Variants in GIGYF2 observed in about 807,000 individuals in gnomAD.
The protein encoded by GIGYF2 is GRB10-interacting GYF protein 2.
A neutral mutation model predicts 208.1 loss-of-function variants in GIGYF2; 25 were observed. The observed-to-expected ratio is 0.12, with a 90% CI of 0.09 to 0.17. The LOEUF (loss-of-function observed/expected upper bound fraction) is 0.17. Ranked by LOEUF, GIGYF2 falls within the 10% of genes least tolerant of loss-of-function variation. The probability of loss-of-function intolerance (pLI) is 1.00; values close to 1 mark genes in which losing one functional copy is unlikely to be tolerated. For synonymous variants in GIGYF2, 534 were observed against 543.8 expected (o/e 0.98, Z 0.25); for missense variants, 1,302 against 1,579.4 (o/e 0.82, Z 2.98).
At chr2:232,807,400 C>T (rs938230437) in intron 15 of GIGYF2, among the ~76,000 whole-genome samples, 42 of 152,110 alleles carry the variant, frequency 2.8e-4, no homozygotes, top group Middle Eastern at 3.4e-3. Context: ...AAAAACTAGC[C>T]GGGTATGGTG....
At position 232,806,905 on chromosome 2, in the gene GIGYF2, G is replaced by A. The variant is rs1428544152; in HGVS notation, c.1806+248G>A. Reference sequence around the variant, plus strand: ...CCCAACAGGGAAACGGAATCCTTCAGTAGCATTCCAGCAGATGTAGAATGA... The same window carrying A: ...CCCAACAGGGAAACGGAATCCTTCAATAGCATTCCAGCAGATGTAGAATGA... On this transcript the variant is annotated intron_variant, in intron 15 of 28. Coordinates refer to ENST00000373563, the MANE Select transcript of GIGYF2 (RefSeq NM_001103146.3). The surrounding 1 kb of genome is among the most constrained non-coding windows in gnomAD (Gnocchi z 4.0). 1.3e-5 allele frequency among the ~76,000 whole-genome samples: 2 copies of A among 152,176 alleles called. No homozygotes were observed. Among genetic ancestry groups the A allele is most frequent in the African/African-American group, 4.8e-5 (2 of 41,440 alleles).
chr2:232,799,552 A>AAATAATAATAATAAT (rs55730253), intron 14 of GIGYF2, among the ~76,000 whole-genome samples: 9 of 146,866 alleles, frequency 6.1e-5, no homozygotes, highest in African/African-American at 2.3e-4. Flanking sequence ...CCTGTCTTTA[A>AAATAATAATAATAAT]AATAATAATA....
chr2:232,711,085 A>G (rs562457553), intron 2 of GIGYF2, among the ~76,000 whole-genome samples: 2 of 147,160 alleles, frequency 1.4e-5, no homozygotes, highest in African/African-American at 5.0e-5. Context: ...AAGTTTATTT[A>G]TGTGTTTTTT....
intron 2 of GIGYF2, among the ~76,000 whole-genome samples, chr2:232,732,613 GTTTTC>G (rs1286263266): frequency 6.7e-6 from 1 of 150,276 alleles, no homozygotes; most frequent in Non-Finnish European, 1.5e-5. Context: ...TAAAAATAGT[GTTTTC>G]TTTTTTATTT....
chr2:232,812,817 A>G (rs1157972412), intron 18 of GIGYF2, among the ~76,000 whole-genome samples: 1 of 152,098 alleles, frequency 6.6e-6, no homozygotes, highest in Admixed American at 6.6e-5. Flanking sequence ...AAAACATAGT[A>G]ATGGTGACCT....
At chr2:232,820,316 C>CCTTT (rs1559456104) in intron 21 of GIGYF2, among the ~76,000 whole-genome samples, 1 of 138,716 alleles carries the variant, frequency 7.2e-6, no homozygotes, top group African/African-American at 2.7e-5. Flanking sequence ...GCAATAATTT[C>CCTTT]TTTTTTTTTT....
At chr2:232,781,159 A>G (rs1009851802) in intron 8 of GIGYF2, among the ~76,000 whole-genome samples, 11 of 151,946 alleles carry the variant, frequency 7.2e-5, no homozygotes, top group African/African-American at 2.4e-4. Flanking sequence ...GGGTTTTGTC[A>G]TGTTGGCCAG....
At position 232,847,493 on chromosome 2, in the gene GIGYF2, GCAGCGTCAGCAGCAGCAGCTGCCA is replaced by G. The variant is rs759174707; in HGVS notation, c.3611_3634del (p.Arg1204_Gln1211del). On this transcript the variant is annotated inframe_deletion, in exon 27 of 29. Coordinates refer to ENST00000373563, the MANE Select transcript of GIGYF2 (RefSeq NM_001103146.3). ...GCCGTGCCAAACAGAAAGCCAACCA[GCAGCGTCAGCAGCAGCAGCTGCCA>G]CAGCAGCAGCAGCAGCAGCCGCCAC... is the stretch of plus-strand genomic sequence containing the variant. 12 of 1,596,370 alleles carry G rather than the reference GCAGCGTCAGCAGCAGCAGCTGCCA, an allele frequency of 7.5e-6. No individual in the cohort carries two copies. The highest frequency in any genetic ancestry group is 9.4e-6 in the Non-Finnish European group (11 of 1,173,712).
intron 12 of GIGYF2, 92 bp from the exon 13 acceptor site, chr2:232,794,656 C>G (rs1424839718): frequency 8.2e-6 from 8 of 970,598 alleles, no homozygotes; most frequent in Non-Finnish European, 1.2e-5. Context: ...TCTGTTTGGC[C>G]CATTTAGCAG....
chr2:232,755,662 A>G (rs778932989), intron 5 of GIGYF2, among the ~76,000 whole-genome samples: 2 of 152,096 alleles, frequency 1.3e-5, no homozygotes, highest in African/African-American at 4.8e-5. Flanking sequence ...CTTCCCATTA[A>G]TGTGTTATTT....
intron 1 of GIGYF2, chr2:232,700,664 A>G (rs2106238522): frequency 6.6e-6 from 1 of 152,290 alleles, no homozygotes; most frequent in Admixed American, 6.5e-5. Context: ...GGCAAGTTAA[A>G]TGTCCATTTT....
chr2:232,764,921 G>C (rs924392985), intron 8 of GIGYF2, among the ~76,000 whole-genome samples: 1 of 152,136 alleles, frequency 6.6e-6, no homozygotes, highest in African/African-American at 2.4e-5. Flanking sequence ...TAAAGGTAAA[G>C]GTTCTTTTAT....
At chr2:232,760,758 A>G in intron 7 of GIGYF2, 167 bp downstream of exon 7, 1 of 589,984 alleles carries the variant, frequency 1.7e-6, no homozygotes, top group South Asian at 2.0e-5. Context: ...AATGATTCTT[A>G]TTTAAAGGAA....
chr2:232,704,785 A>T (rs1406254392), intron 2 of GIGYF2, among the ~76,000 whole-genome samples: 1 of 151,844 alleles, frequency 6.6e-6, no homozygotes, highest in East Asian at 1.9e-4. Flanking sequence ...ACATAAGCAA[A>T]GGAGAAGTTT....
chr2:232,792,840 G>A (rs1314195874), intron 12 of GIGYF2, among the ~76,000 whole-genome samples: 1 of 152,060 alleles, frequency 6.6e-6, no homozygotes, highest in Non-Finnish European at 1.5e-5. Flanking sequence ...GGAAATTCTT[G>A]GATCAAGTCT....
rs886055796 is a variant in GIGYF2 at position 232,768,653 on chromosome 2, T to C, written c.532+7217T>C. 4 of 1,613,938 alleles carry C rather than the reference T, an allele frequency of 2.5e-6. No homozygotes were observed. The highest frequency in any genetic ancestry group is 1.3e-5 in the African/African-American group (1 of 74,994). ...TGCCATTTTCTCTTTCCTGATAGAG[T>C]ACAGCTGAGACCCGGACACTGGTTA... is the stretch of plus-strand genomic sequence containing the variant. On this transcript the variant is annotated intron_variant, in intron 8 of 28. Transcript: ENST00000373563.
At chr2:232,771,361 A>G in intron 8 of GIGYF2, 2 of 1,605,194 alleles carry the variant, frequency 1.2e-6, no homozygotes, top group Non-Finnish European at 1.7e-6. Flanking sequence ...ACTGCTGTCC[A>G]TCTCAGGCTG....
chr2:232,738,912 G>C (rs1697853708), intron 3 of GIGYF2, among the ~76,000 whole-genome samples: 1 of 152,170 alleles, frequency 6.6e-6, no homozygotes. Context: ...GTTTGCTCTT[G>C]ACAAAACACT....
intron 14 of GIGYF2, among the ~76,000 whole-genome samples, chr2:232,804,971 A>ATT (rs200647455): frequency 2.7e-5 from 4 of 147,602 alleles, no homozygotes; most frequent in African/African-American, 1.0e-4. Flanking sequence ...ACTATATGTG[A>ATT]TTTTTTTTTA....
Sources: gnomAD v4.1 joint callset for allele counts (sites outside exome capture counted in the v4.1 genomes callset) on GRCh38, gnomAD v4.1.1 for gene constraint, Gnocchi (gnomAD v3.1) non-coding constraint, MANE v1.5 for transcripts, NCBI Gene and HGNC (gene_info 2026-07-23, HGNC 2026-07-21) for gene names.